ZFAT: variants seen among roughly 807,000 people sequenced by gnomAD.
ZFAT encodes the protein zinc finger and AT-hook domain containing, also known as zinc finger protein ZFAT.
ZFAT carries 64 observed loss-of-function variants against 117.7 expected under a neutral mutation model. The ratio of observed to expected loss-of-function variants is 0.54; its 90% CI spans 0.44 to 0.67. The LOEUF (loss-of-function observed/expected upper bound fraction) is 0.67, where lower values mean the gene tolerates loss of function less well. ZFAT is among the 30% of genes least tolerant of loss of function. ZFAT has a pLI of 0.00. For synonymous variants in ZFAT, 679 were observed against 615.0 expected (o/e 1.10, Z -1.54); for missense variants, 1,433 against 1,584.5 (o/e 0.90, Z 1.62).
chr8:134,567,088 A>C (rs1368170463), intron 10 of ZFAT, among the ~76,000 whole-genome samples: 1 of 152,064 alleles, frequency 6.6e-6, no homozygotes, highest in Admixed American at 6.5e-5. Context: ...TTCTACTCTG[A>C]TCTCTTCTCT....
chr8:134,748,147 C>T, the ZFAT span, among the ~76,000 whole-genome samples: 2 of 152,160 alleles, frequency 1.3e-5, no homozygotes, highest in Non-Finnish European at 2.9e-5. Context: ...AAGACCCAAG[C>T]AATCATCCCC....
chr8:134,617,029 C>CCA (rs1828795765), intron 3 of ZFAT, among the ~76,000 whole-genome samples: 1 of 152,218 alleles, frequency 6.6e-6, no homozygotes. Context: ...ATCTGGGACA[C>CCA]CACCCCAAAG....
chr8:134,673,940 C>T (rs941738305), intron 1 of ZFAT, among the ~76,000 whole-genome samples: 11 of 152,142 alleles, frequency 7.2e-5, no homozygotes, highest in Middle Eastern at 3.2e-3. Context: ...GGTGAAATCC[C>T]GTCTCTACTA....
the ZFAT span, among the ~76,000 whole-genome samples, chr8:134,726,106 G>T: frequency 6.6e-6 from 1 of 151,986 alleles, no homozygotes; most frequent in South Asian, 2.1e-4. Flanking sequence ...TTAACAGTGG[G>T]GAATTCATAT....
intron 1 of ZFAT, among the ~76,000 whole-genome samples, chr8:134,694,693 C>T (rs1158501215): frequency 6.6e-6 from 1 of 152,148 alleles, no homozygotes; most frequent in African/African-American, 2.4e-5. Context: ...AGCTCCAGAT[C>T]CATGGTCTTT....
chr8:134,812,916 G>A, the ZFAT span, among the ~76,000 whole-genome samples: 1 of 152,032 alleles, frequency 6.6e-6, no homozygotes, highest in Admixed American at 6.6e-5. Context: ...TGAGAAATGA[G>A]AGACAGAAAG....
chr8:134,602,235 T>G lies in ZFAT; in HGVS notation c.1484A>C (p.Asn495Thr). The G allele has an allele frequency of 3.1e-6, 5 of 1,613,714 alleles. No individual in the cohort carries two copies. Among genetic ancestry groups the G allele is most frequent in the South Asian group, 1.1e-5 (1 of 91,084 alleles). ...QEALVFTSSI[N>T]QSFCLLEPGG... is the part of the protein sequence containing the mutation. The stretch of plus-strand genomic sequence containing the variant: ...AGGTTCCAGGAGGCAGAAGCTCTGG[T>G]TGATGGAACTGGTGAAGACCAAGGC... The change falls in exon 6 of 16, where the codon AAC becomes ACC. Residue 495 changes from asparagine to threonine, a missense_variant. Around this residue, in one of 5 missense-constraint regions of ZFAT, gnomAD observed 372 missense variants for 355.6 expected, o/e 1.05. Transcript: ENST00000377838.
intron 13 of ZFAT, among the ~76,000 whole-genome samples, chr8:134,518,764 A>G (rs1820424142): frequency 6.6e-6 from 1 of 151,976 alleles, no homozygotes; most frequent in Non-Finnish European, 1.5e-5. Flanking sequence ...GTATTTGTAA[A>G]ATATTACTGT....
At chr8:134,743,321 T>C in the ZFAT span, among the ~76,000 whole-genome samples, 2 of 152,034 alleles carry the variant, frequency 1.3e-5, no homozygotes, top group Non-Finnish European at 2.9e-5. Context: ...AAACCCCGTC[T>C]CTACTAAAAA....
intron 15 of ZFAT, among the ~76,000 whole-genome samples, chr8:134,492,409 T>C (rs1029651255): frequency 6.6e-6 from 1 of 152,352 alleles, no homozygotes; most frequent in Admixed American, 6.5e-5. Context: ...AGACTCCATG[T>C]TATGGTAAGA....
At chr8:134,496,750 T>C (rs1818468903) in intron 15 of ZFAT, among the ~76,000 whole-genome samples, 3 of 152,104 alleles carry the variant, frequency 2.0e-5, no homozygotes, top group Non-Finnish European at 4.4e-5. Context: ...ACACTAGATA[T>C]GGTTTGTGAC....
chr8:134,513,520 C>T (rs1441650057), intron 13 of ZFAT, among the ~76,000 whole-genome samples: 1 of 152,150 alleles, frequency 6.6e-6, no homozygotes, highest in Admixed American at 6.5e-5. Flanking sequence ...AAACTGACTA[C>T]AAGAAATATA....
Position 134,638,481 on chromosome 8 carries a change from G to A in ZFAT, c.197-769C>T, listed in dbSNP as rs539994092. On this transcript the variant is annotated intron_variant, in intron 2 of 15. Coordinates refer to ENST00000377838, the MANE Select transcript of ZFAT (RefSeq NM_020863.4). ...AGCACTTTGGGAGGCCGAGGTGGGC[G>A]GATCACGAGGTCAGGAGATCGAGAC... 6.6e-3 allele frequency among the ~76,000 whole-genome samples: 993 copies of A among 150,836 alleles called. 10 individuals carry two copies. Among genetic ancestry groups the A allele is most frequent in the Non-Finnish European group, 9.2e-3 (621 of 67,768 alleles).
chr8:134,622,952 G>GT (rs1328404037), intron 3 of ZFAT, among the ~76,000 whole-genome samples: 1 of 152,054 alleles, frequency 6.6e-6, no homozygotes, highest in Non-Finnish European at 1.5e-5. Context: ...ACTTGATGCT[G>GT]TACCTAGACC....
At chr8:134,768,516 G>T in the ZFAT span, among the ~76,000 whole-genome samples, 1 of 152,148 alleles carries the variant, frequency 6.6e-6, no homozygotes, top group African/African-American at 2.4e-5. Flanking sequence ...CCACATAGCT[G>T]GGGAAGCCTC....
intron 1 of ZFAT, among the ~76,000 whole-genome samples, chr8:134,711,184 G>C (rs1813984281): frequency 6.6e-6 from 1 of 152,200 alleles, no homozygotes; most frequent in South Asian, 2.1e-4. Context: ...GCCCAGGCTG[G>C]TCTTGAACTC....
At chr8:134,544,893 C>A (rs917435556) in intron 11 of ZFAT, among the ~76,000 whole-genome samples, 1 of 152,150 alleles carries the variant, frequency 6.6e-6, no homozygotes, top group Non-Finnish European at 1.5e-5. Flanking sequence ...AACAGCTGAG[C>A]ATCACCTAGC....
At chr8:134,643,633 T>C (rs1362654688) in intron 2 of ZFAT, among the ~76,000 whole-genome samples, 1 of 152,240 alleles carries the variant, frequency 6.6e-6, no homozygotes, top group Non-Finnish European at 1.5e-5. Context: ...TGGTGCAGGC[T>C]GTACCCTGTG....
intron 15 of ZFAT, among the ~76,000 whole-genome samples, chr8:134,494,777 C>G (rs1818310552): frequency 6.6e-6 from 1 of 152,196 alleles, no homozygotes; most frequent in African/African-American, 2.4e-5. Flanking sequence ...ATTTAAATCA[C>G]TCATCAAACT....
Sources: gnomAD v4.1 joint callset for allele counts (sites outside exome capture counted in the v4.1 genomes callset) on GRCh38, gnomAD v4.1.1 for gene constraint, gnomAD v4.1.1 regional missense constraint, MANE v1.5 for transcripts, NCBI Gene and HGNC (gene_info 2026-07-23, HGNC 2026-07-21) for gene names.